The following SUSD1 variants were observed in gnomAD, a reference collection of about 807,000 sequenced individuals.
SUSD1 encodes the protein sushi domain containing 1, also known as sushi domain-containing protein 1.
In SUSD1, 65 loss-of-function variants were observed where a neutral mutation model predicts 86.9. The ratio of observed to expected loss-of-function variants is 0.75; its 90% confidence interval spans 0.61 to 0.92. SUSD1 has a LOEUF of 0.92. Among genes scored for constraint, SUSD1 ranks in the 40% least tolerant of loss-of-function variants. SUSD1 has a pLI of 0.00. For synonymous variants in SUSD1, 346 were observed against 350.0 expected, an observed-to-expected ratio of 0.99 and a Z score of 0.13; for missense variants, 850 against 929.7, an observed-to-expected ratio of 0.91 and a Z score of 1.11.
At chr9:112,055,520 G>T (rs1475349791) in intron 14 of SUSD1, among the ~76,000 whole-genome samples, 1 of 152,140 alleles carries the variant, frequency 6.6e-6, no homozygotes, top group Non-Finnish European at 1.5e-5. Context: ...AGTGTTAGCA[G>T]GGACATGGAC....
At chr9:112,116,207 A>G (rs907900083) in intron 6 of SUSD1, among the ~76,000 whole-genome samples, 1 of 152,168 alleles carries the variant, frequency 6.6e-6, no homozygotes, top group Non-Finnish European at 1.5e-5. Flanking sequence ...CTCATTCACT[A>G]TGACAACTGT....
intron 15 of SUSD1, among the ~76,000 whole-genome samples, chr9:112,048,898 T>C (rs923848709): frequency 2.6e-5 from 4 of 152,186 alleles, no homozygotes; most frequent in Non-Finnish European, 2.9e-5. Flanking sequence ...AGAAAACAGC[T>C]GGAACATTGG....
In SUSD1 at chr9:112,098,520, C is replaced by G. The variant is rs768416430; in HGVS notation, c.1424G>C (p.Arg475Thr). The G allele has an allele frequency of 1.9e-6, 3 of 1,614,076 alleles. No homozygotes were observed. The highest frequency in any genetic ancestry group is 2.5e-6 in the Non-Finnish European group (3 of 1,180,040). The change falls in exon 10 of 17, where the codon AGA (arginine) becomes ACA (threonine). Residue 475 changes from arginine to threonine, a missense_variant. Physicochemically the swap from Arg to Thr is moderately conservative, Grantham distance 71. Coordinates refer to ENST00000374270, the MANE Select transcript of SUSD1 (RefSeq NM_022486.5). ...TDYTVNVTLL[R>T]SPKRHSVQIT... The stretch of plus-strand genomic sequence containing the variant: ...TTGCACTGAGTGCCGCTTAGGAGAT[C>G]TCAGCAGGGTCACATTCACCGTATA...
intron 13 of SUSD1, 130 bp from the exon 14 acceptor site, chr9:112,058,816 A>T (rs1828576076): frequency 8.7e-7 from 1 of 1,152,904 alleles, no homozygotes; most frequent in Admixed American, 2.6e-5. Context: ...TTTTTTTGAG[A>T]TGGAGTCTTG....
chr9:112,131,076 A>G (rs1182304402), intron 5 of SUSD1, among the ~76,000 whole-genome samples: 2 of 152,098 alleles, frequency 1.3e-5, no homozygotes, highest in African/African-American at 2.4e-5. Context: ...TGGAAACTAT[A>G]TCTCATATAG....
intron 13 of SUSD1, among the ~76,000 whole-genome samples, chr9:112,059,288 G>C (rs16916623): frequency 6.6e-6 from 1 of 152,176 alleles, no homozygotes; most frequent in African/African-American, 2.4e-5. Flanking sequence ...ATCCTCTTTC[G>C]CTGGGAGAAG....
In SUSD1 at chr9:112,078,650, G is replaced by T; in HGVS notation, c.1641C>A (p.Ser547Arg). The T allele has an allele frequency of 6.2e-7, 1 of 1,614,044 alleles. No homozygotes were observed. Among genetic ancestry groups the T allele is most frequent in the Non-Finnish European group, 8.5e-7 (1 of 1,179,982 alleles). ...QEMTFNISSS[S>R]RDPEVCLDLR... Reference sequence around the variant, plus strand: ...GGTCCAAGCACACCTCGGGATCTCGGCTGCTGCTACTGATATTAAAGGTCA... The same window carrying T: ...GGTCCAAGCACACCTCGGGATCTCGTCTGCTGCTACTGATATTAAAGGTCA... The change falls in exon 12 of 17, where the codon AGC becomes AGA. Residue 547 changes from serine to arginine, a missense_variant. By Grantham distance (110) the Ser-to-Arg change is moderately radical (BLOSUM62 -1). Transcript: ENST00000374270.
intron 10 of SUSD1, among the ~76,000 whole-genome samples, chr9:112,085,692 T>G (rs532674624): frequency 3.1e-4 from 47 of 151,752 alleles, no homozygotes; most frequent in African/African-American, 1.1e-3. Flanking sequence ...GAAAAGGGAG[T>G]GGGCTCCAGG....
chr9:112,099,330 T>C (rs1830531564), intron 9 of SUSD1, among the ~76,000 whole-genome samples: 1 of 152,164 alleles, frequency 6.6e-6, no homozygotes, highest in East Asian at 1.9e-4. Flanking sequence ...TGTGAGCCAT[T>C]GCACCCAACC....
intron 10 of SUSD1, among the ~76,000 whole-genome samples, chr9:112,083,101 A>C (rs991510412): frequency 6.6e-6 from 1 of 152,226 alleles, no homozygotes; most frequent in Non-Finnish European, 1.5e-5. Flanking sequence ...GAAAACTAAT[A>C]CAACAAGTAG....
intron 10 of SUSD1, among the ~76,000 whole-genome samples, chr9:112,091,588 C>T (rs566780006): frequency 2.0e-5 from 3 of 152,194 alleles, no homozygotes; most frequent in South Asian, 2.1e-4. Context: ...TAAATAATAG[C>T]GGTATTTAAA....
chr9:112,100,857 G>GAC (rs5899985), intron 9 of SUSD1, among the ~76,000 whole-genome samples: 1,556 of 140,470 alleles, frequency 0.011, 16 homozygotes, highest in African/African-American at 0.024. Context: ...ATTGTACCTG[G>GAC]ACACACACAC....
intron 5 of SUSD1, among the ~76,000 whole-genome samples, chr9:112,126,776 C>G (rs1055952867): frequency 2.6e-5 from 4 of 152,122 alleles, no homozygotes; most frequent in African/African-American, 9.7e-5. Flanking sequence ...CTGAATTGGG[C>G]TCTTGGTATT....
chr9:112,060,990 G>A (rs1828698474), intron 13 of SUSD1, among the ~76,000 whole-genome samples: 1 of 152,180 alleles, frequency 6.6e-6, no homozygotes, highest in Admixed American at 6.5e-5. Context: ...GTAATCACCT[G>A]TGTTGCTTGA....
intron 8 of SUSD1, among the ~76,000 whole-genome samples, chr9:112,107,611 G>A (rs994997482): frequency 2.6e-5 from 4 of 152,080 alleles, no homozygotes; most frequent in African/African-American, 9.7e-5. Flanking sequence ...ATATTATTCA[G>A]ATAGCTTTCA....
intron 8 of SUSD1, chr9:112,104,670 C>T (rs1023401115): frequency 1.3e-5 from 2 of 152,348 alleles, no homozygotes; most frequent in African/African-American, 4.8e-5. Context: ...CCAAAGGACA[C>T]TGGGTCACCC....
At chr9:112,108,021 A>G (rs12338324) in intron 8 of SUSD1, among the ~76,000 whole-genome samples, 52,674 of 152,038 alleles carry the variant, frequency 0.35, 9,848 homozygotes, top group African/African-American at 0.49. Context: ...GAAAATGTCA[A>G]TAAATCCTCC....
intron 10 of SUSD1, among the ~76,000 whole-genome samples, chr9:112,085,784 A>G (rs1158942877): frequency 6.6e-6 from 1 of 152,224 alleles, no homozygotes; most frequent in Non-Finnish European, 1.5e-5. Flanking sequence ...CAATCATCAA[A>G]GATAATGGTG....
chr9:112,136,492 C>A (rs1427804684), intron 5 of SUSD1, among the ~76,000 whole-genome samples: 1 of 152,188 alleles, frequency 6.6e-6, no homozygotes. Flanking sequence ...TCTTGGTCTC[C>A]CAAAGTGCTA....
Sources: allele counts gnomAD v4.1 joint callset (sites outside exome capture counted in the v4.1 genomes callset), GRCh38; gene constraint gnomAD v4.1.1; transcripts MANE v1.5; gene names NCBI Gene and HGNC (gene_info 2026-07-23, HGNC 2026-07-21).